The following KANK1 variants were observed in gnomAD, a reference collection of about 807,000 sequenced individuals.
KANK1 encodes the protein KN motif and ankyrin repeat domain-containing protein 1.
In KANK1, 109 loss-of-function variants were observed where a neutral mutation model predicts 106.2. The ratio of observed to expected loss-of-function variants is 1.03; its 90% CI spans 0.88 to 1.20. The LOEUF is 1.20. Among genes scored for constraint, KANK1 ranks in the 50% most tolerant of loss-of-function variants. The pLI, the probability that KANK1 is intolerant of heterozygous loss-of-function variation, is 0.00. For synonymous variants in KANK1, 873 were observed against 652.2 expected, an observed-to-expected ratio of 1.34 and a Z score of -5.16; for missense variants, 2,399 against 1,710.7, an observed-to-expected ratio of 1.40 and a Z score of -7.10.
intron 1 of KANK1, chr9:659,999 A>G (rs972868527): frequency 1.4e-5 from 4 of 285,432 alleles, no homozygotes; most frequent in East Asian, 8.4e-5. Flanking sequence ...TCCACAGTCC[A>G]GAACCTCCAC....
At chr9:742,796 C>A (rs140989735) in intron 10 of KANK1, among the ~76,000 whole-genome samples, 16 of 152,312 alleles carry the variant, frequency 1.1e-4, no homozygotes, top group African/African-American at 3.8e-4. Context: ...TGGGGTTACA[C>A]GGTGACTAAA....
chr9:578,726 A>G (rs114098106), intron 1 of KANK1, among the ~76,000 whole-genome samples: 2,278 of 152,302 alleles, frequency 0.015, 71 homozygotes, highest in African/African-American at 0.052. Context: ...TTTACCCTCA[A>G]GAAATTGTAC....
intron 3 of KANK1, among the ~76,000 whole-genome samples, chr9:718,298 C>CTTTTTTTTT (rs60145502): frequency 4.5e-4 from 33 of 74,124 alleles, no homozygotes; most frequent in Non-Finnish European, 7.0e-4. Context: ...CTTGCTGTGT[C>CTTTTTTTTT]TTTTTTTTTT....
intron 1 of KANK1, among the ~76,000 whole-genome samples, chr9:557,675 A>T: frequency 6.6e-6 from 1 of 152,250 alleles, no homozygotes; most frequent in Non-Finnish European, 1.5e-5. Context: ...GAGGAAGAAC[A>T]GGAGAAGGCA....
At chr9:604,127 A>G (rs1417313106) in intron 1 of KANK1, among the ~76,000 whole-genome samples, 1 of 151,716 alleles carries the variant, frequency 6.6e-6, no homozygotes, top group Non-Finnish European at 1.5e-5. Context: ...TTAATGTTAC[A>G]GCTGATATTC....
intron 2 of KANK1, among the ~76,000 whole-genome samples, chr9:699,604 GC>G (rs1822164420): frequency 6.6e-6 from 1 of 152,152 alleles, no homozygotes; most frequent in Non-Finnish European, 1.5e-5. Flanking sequence ...AGTACACGAA[GC>G]AAGACCACAT....
intron 1 of KANK1, among the ~76,000 whole-genome samples, chr9:581,370 C>G (rs1563805949): frequency 6.6e-6 from 1 of 152,342 alleles, no homozygotes; most frequent in East Asian, 1.9e-4. Context: ...ACTGGAAATT[C>G]TTTGTGAAAT....
At chr9:636,241 T>C (rs1837110913) in intron 1 of KANK1, among the ~76,000 whole-genome samples, 1 of 152,180 alleles carries the variant, frequency 6.6e-6, no homozygotes, top group Admixed American at 6.5e-5. Context: ...TCTTAGATCT[T>C]TATATGCAGA....
At chr9:590,080 C>G (rs1563819391) in intron 1 of KANK1, among the ~76,000 whole-genome samples, 1 of 152,158 alleles carries the variant, frequency 6.6e-6, no homozygotes, top group African/African-American at 2.4e-5. Context: ...AAACGGCACT[C>G]TGCAATAACC....
Position 710,874 on chromosome 9 carries a change from C to T in KANK1, c.108C>T (p.Pro36=). The change falls in exon 3 of 12, where the codon CCC becomes CCT. Residue 36 remains proline, a synonymous_variant. Transcript: ENST00000382297. ...AAGACCCTTACTTTGTGGAGACCCC[C>T]TATGGTTATCAACTAGACTTAGATT... ...EQKDPYFVET[P]YGYQLDLDFL... The T allele has an allele frequency of 5.0e-6, 8 of 1,613,968 alleles. No homozygotes were observed. Among genetic ancestry groups the T allele is most frequent in the Non-Finnish European group, 6.8e-6 (8 of 1,179,878 alleles).
chr9:647,460 C>T (rs377171626), intron 1 of KANK1, among the ~76,000 whole-genome samples: 1 of 150,992 alleles, frequency 6.6e-6, no homozygotes, highest in African/African-American at 2.5e-5. Flanking sequence ...CTTTCTCTGT[C>T]TTTAACATTG....
At position 723,121 on chromosome 9, in the gene KANK1, TGG is replaced by T. The variant is rs140491775; in HGVS notation, c.2699-6929_2699-6928del. Among the ~76,000 whole-genome samples, 1,352 of 152,148 alleles carry T rather than the reference TGG, an allele frequency of 8.9e-3. 29 individuals carry two copies. The highest frequency in any genetic ancestry group is 0.031 in the African/African-American group (1,297 of 41,510). On this transcript the variant is annotated intron_variant, in intron 3 of 11. Transcript: ENST00000382297. ...TCTAATTACTCCCTACTCACAGAGT[TGG>T]AGTAATTAAGTCACAGGACCACTCT...
At chr9:738,118 G>T (rs1392231413) in intron 7 of KANK1, among the ~76,000 whole-genome samples, 167 bp from the exon 8 acceptor site, 1 of 152,182 alleles carries the variant, frequency 6.6e-6, no homozygotes, top group Non-Finnish European at 1.5e-5. Flanking sequence ...CAGGAGAAAT[G>T]TCCCAGTTTG....
At chr9:581,927 A>G (rs1822259572) in intron 1 of KANK1, among the ~76,000 whole-genome samples, 1 of 152,124 alleles carries the variant, frequency 6.6e-6, no homozygotes, top group South Asian at 2.1e-4. Flanking sequence ...TTTCACAGTC[A>G]TTCACTTCCA....
chr9:661,471 G>A (rs67824534), intron 1 of KANK1, among the ~76,000 whole-genome samples: 127,488 of 152,024 alleles, frequency 0.84, 53,594 homozygotes, highest in East Asian at 0.97. Flanking sequence ...TTTTAATGGC[G>A]GTATAGTATT....
intron 1 of KANK1, among the ~76,000 whole-genome samples, chr9:558,629 A>G (rs959494858): frequency 2.0e-5 from 3 of 152,120 alleles, no homozygotes; most frequent in Non-Finnish European, 2.9e-5. Flanking sequence ...ATTAGACGAC[A>G]CTAAGGCATG....
intron 1 of KANK1, chr9:549,639 G>C (rs1357861525): frequency 6.6e-6 from 1 of 152,330 alleles, no homozygotes; most frequent in Non-Finnish European, 1.5e-5. Flanking sequence ...CTGTATTGTG[G>C]GAGTGTGAAA....
intron 1 of KANK1, among the ~76,000 whole-genome samples, chr9:617,037 A>G (rs1381640531): frequency 6.6e-6 from 1 of 152,206 alleles, no homozygotes; most frequent in Non-Finnish European, 1.5e-5. Context: ...CCTTCTCTAG[A>G]AGATCTCAGT....
rs756127219 is a variant in KANK1, at chr9:493,024, G to A, written c.-362+19751G>A. Among the ~76,000 whole-genome samples, 11 of 118,166 alleles carry A rather than the reference G, an allele frequency of 9.3e-5. No homozygotes were observed. The Middle Eastern group carries it at 0.012, about 130-fold the overall frequency. The allele number at this position is 118,166 out of a possible 152,430, so 77.5% of individuals were successfully genotyped here. On this transcript the variant is annotated intron_variant, in intron 3 of 15. Coordinates refer to the KANK1 transcript ENST00000382303. ...GGGCGGTCAACAAGAACAAAACTCCGTCTCAAAAAAAAAAAAAAAAAGAAA... is the reference window on the plus strand; with the variant it reads ...GGGCGGTCAACAAGAACAAAACTCCATCTCAAAAAAAAAAAAAAAAAGAAA...
Sources: gnomAD v4.1 joint callset for allele counts (sites outside exome capture counted in the v4.1 genomes callset) on GRCh38, gnomAD v4.1.1 for gene constraint, MANE v1.5 for transcripts, NCBI Gene and HGNC (gene_info 2026-07-23, HGNC 2026-07-21) for gene names.